DCC: variants seen among roughly 807,000 people sequenced by gnomAD.
DCC encodes netrin receptor DCC.
A neutral mutation model predicts 172.5 loss-of-function variants in DCC; 58 were observed. That is an observed-to-expected ratio of 0.34 (90% CI 0.27 to 0.42). DCC has a LOEUF of 0.42. Ranked by LOEUF, DCC falls within the 10% of genes least tolerant of loss-of-function variation. The pLI is 1.00. For missense variants in DCC, 1,740 were observed against 1,791.0 expected (o/e 0.97, Z 0.51); for synonymous variants, 709 against 644.5 (o/e 1.10, Z -1.52).
At chr18:53,061,826 G>C (rs903226981) in intron 5 of DCC, among the ~76,000 whole-genome samples, 1 of 152,030 alleles carries the variant, frequency 6.6e-6, no homozygotes, top group Non-Finnish European at 1.5e-5. Context: ...TAGTGGGAGA[G>C]ATAATAATAA....
In DCC at chr18:52,794,163, T is replaced by C. The variant is rs565678486; in HGVS notation, c.412+41789T>C. ...TGTGTTTCCACATAAATTTTAGTTT[T>C]TTTTTATATTTCTCTTGAGAACGTC... On this transcript the variant is annotated intron_variant, in intron 2 of 28. Transcript: ENST00000442544. Among the ~76,000 whole-genome samples the C allele has an allele frequency of 7.2e-5, 11 of 152,304 alleles. No homozygotes were observed. In the East Asian group the frequency reaches 1.2e-3, roughly 16 times the overall value.
At chr18:52,986,858 A>AC (rs199634437) in intron 5 of DCC, among the ~76,000 whole-genome samples, 36 of 149,906 alleles carry the variant, frequency 2.4e-4, no homozygotes, top group South Asian at 8.5e-4. Context: ...ACACACACAC[A>AC]AACAGACATA....
At chr18:53,179,151 GTATT>G (rs765144025) in intron 9 of DCC, 35 bp downstream of exon 9, 4 of 1,600,316 alleles carry the variant, frequency 2.5e-6, no homozygotes, top group Non-Finnish European at 3.4e-6. Flanking sequence ...CATTTAAAAA[GTATT>G]TATTTTCCTC....
At chr18:52,459,882 C>CACAT (rs1555684704) in intron 1 of DCC, among the ~76,000 whole-genome samples, 2 of 148,638 alleles carry the variant, frequency 1.3e-5, no homozygotes, top group Non-Finnish European at 3.0e-5. Flanking sequence ...GCATAGTATT[C>CACAT]ATATATATAT....
At chr18:52,832,869 G>T (rs1232760511) in intron 2 of DCC, among the ~76,000 whole-genome samples, 1 of 152,196 alleles carries the variant, frequency 6.6e-6, no homozygotes, top group East Asian at 1.9e-4. Context: ...AAGGCTAACT[G>T]AATTGGTCCC....
rs2045642897 is a variant in DCC at position 53,467,983 on chromosome 18, C to A, written c.3709C>A (p.Pro1237Thr). Residue 1237 changes from proline to threonine, a missense_variant, in exon 25 of 29, where the codon CCC becomes ACC. Around this residue, in one of 2 missense-constraint regions of DCC, gnomAD observed 1,732 missense variants for 1,767.4 expected, o/e 0.98. Transcript: ENST00000442544. ...AGCCCCCCGGGCCAAGCTCATGATT[C>A]CCATGGATGCCCAGTCCAACAATCC... is the stretch of plus-strand genomic sequence containing the variant. ...RRAPRAKLMI[P>T]MDAQSNNPAV... is the part of the protein sequence containing the mutation. The A allele has an allele frequency of 1.9e-6, 3 of 1,599,144 alleles. No homozygotes were observed. Among genetic ancestry groups the A allele is most frequent in the Non-Finnish European group, 2.6e-6 (3 of 1,166,616 alleles).
At chr18:52,493,323 C>T (rs371863754) in intron 1 of DCC, among the ~76,000 whole-genome samples, 107 of 151,982 alleles carry the variant, frequency 7.0e-4, no homozygotes, top group African/African-American at 2.4e-3. Context: ...GTCTGCAGGA[C>T]GGTTGTTTTG....
intron 1 of DCC, among the ~76,000 whole-genome samples, chr18:52,744,006 G>T (rs1273873746): frequency 1.3e-5 from 2 of 152,176 alleles, no homozygotes; most frequent in African/African-American, 4.8e-5. Context: ...CAACTGAGGA[G>T]CACAGTAGGA....
chr18:52,541,875 G>GTGTATATATATATATATATATGTA (rs1555695194), intron 1 of DCC, among the ~76,000 whole-genome samples: 3 of 115,202 alleles, frequency 2.6e-5, no homozygotes, highest in African/African-American at 9.9e-5. Context: ...GTGTGTGTGT[G>GTGTATATATATATATATATATGTA]TATATATATA....
chr18:53,214,200 G>A (rs561538205), intron 11 of DCC, among the ~76,000 whole-genome samples: 1 of 152,048 alleles, frequency 6.6e-6, no homozygotes, highest in African/African-American at 2.4e-5. Flanking sequence ...TGAAAAACAA[G>A]CAGATGAGCA....
chr18:52,490,148 G>C (rs1485065575), intron 1 of DCC, among the ~76,000 whole-genome samples: 1 of 152,000 alleles, frequency 6.6e-6, no homozygotes, highest in African/African-American at 2.4e-5. Context: ...CCCCACTAGA[G>C]GCTAAAAGCA....
intron 12 of DCC, among the ~76,000 whole-genome samples, chr18:53,297,791 T>A (rs1390804791): frequency 6.6e-6 from 1 of 152,156 alleles, no homozygotes; most frequent in Non-Finnish European, 1.5e-5. Flanking sequence ...CACAATATAA[T>A]TTGGAGCCTC....
At chr18:52,574,125 ATGT>A (rs2033359561) in intron 1 of DCC, among the ~76,000 whole-genome samples, 1 of 152,172 alleles carries the variant, frequency 6.6e-6, no homozygotes, top group African/African-American at 2.4e-5. Flanking sequence ...AATTTCTATG[ATGT>A]TGTTTAACGT....
At chr18:53,244,499 G>C (rs1256588699) in intron 12 of DCC, among the ~76,000 whole-genome samples, 1 of 152,104 alleles carries the variant, frequency 6.6e-6, no homozygotes, top group Non-Finnish European at 1.5e-5. Context: ...GGGTTCAGCT[G>C]TGTGGTTCTT....
At chr18:53,096,819 G>A (rs16956114) in intron 7 of DCC, among the ~76,000 whole-genome samples, 24,609 of 152,024 alleles carry the variant, frequency 0.16, 2,426 homozygotes, top group African/African-American at 0.27. Context: ...TATGATCCTC[G>A]TCTGTGATAG....
chr18:53,445,886 C>G (rs767195396), intron 22 of DCC, among the ~76,000 whole-genome samples: 5 of 151,692 alleles, frequency 3.3e-5, no homozygotes, highest in Admixed American at 2.6e-4. Flanking sequence ...GCACTGGATA[C>G]CCACACTATT....
chr18:52,744,723 A>G (rs965973458), intron 1 of DCC, among the ~76,000 whole-genome samples: 11 of 152,164 alleles, frequency 7.2e-5, no homozygotes, highest in Non-Finnish European at 1.6e-4. Context: ...CATTAATGGG[A>G]AATACACAAA....
intron 1 of DCC, among the ~76,000 whole-genome samples, chr18:52,651,499 C>CTT (rs202034422): frequency 5.2e-5 from 7 of 135,184 alleles, no homozygotes; most frequent in Non-Finnish European, 6.4e-5. Flanking sequence ...TTTTTAAAAT[C>CTT]TTTTTTTTTT....
chr18:52,790,806 T>C (rs2037749564), intron 2 of DCC, among the ~76,000 whole-genome samples: 1 of 152,310 alleles, frequency 6.6e-6, no homozygotes. Context: ...TCACCTACAG[T>C]TGGGGTTAAG....
Sources: allele counts gnomAD v4.1 joint callset (sites outside exome capture counted in the v4.1 genomes callset), GRCh38; gene constraint gnomAD v4.1.1; regional missense constraint gnomAD v4.1.1; transcripts MANE v1.5; gene names NCBI Gene and HGNC (gene_info 2026-07-23, HGNC 2026-07-21).